ARK2N: variants seen among roughly 807,000 people sequenced by gnomAD.
ARK2N encodes protein ARK2N.
At chr18:46,240,071 T>C in the ARK2N span, 2 of 1,614,208 alleles carry the variant, frequency 1.2e-6, no homozygotes, top group Non-Finnish European at 1.7e-6. Context: ...GTGGTAAATG[T>C]GGACAATTTA....
At chr18:46,240,104 A>G in the ARK2N span, 5 of 1,614,218 alleles carry the variant, frequency 3.1e-6, no homozygotes, top group Non-Finnish European at 4.2e-6. Flanking sequence ...GTAGTTCAAG[A>G]GCACAGTAAT....
At chr18:46,225,467 G>GCT in the ARK2N span, among the ~76,000 whole-genome samples, 2 of 151,340 alleles carry the variant, frequency 1.3e-5, no homozygotes, top group African/African-American at 4.8e-5. Context: ...TGATGTTGCT[G>GCT]TTTTTTTTTG....
the ARK2N span, among the ~76,000 whole-genome samples, chr18:46,195,517 G>A: frequency 1.4e-5 from 2 of 144,190 alleles, no homozygotes; most frequent in African/African-American, 5.2e-5. Flanking sequence ...CCAAAGTGCT[G>A]GAATTACAGC....
chr18:46,188,668 A>G, the ARK2N span, among the ~76,000 whole-genome samples: 1 of 152,176 alleles, frequency 6.6e-6, no homozygotes. Flanking sequence ...TGGTTAGGGA[A>G]TTACTAACAT....
the ARK2N span, among the ~76,000 whole-genome samples, chr18:46,252,225 C>T: frequency 6.6e-6 from 1 of 151,220 alleles, no homozygotes; most frequent in South Asian, 2.1e-4. Flanking sequence ...TTCTCAATAA[C>T]CTTGAAGCAT....
the ARK2N span, among the ~76,000 whole-genome samples, chr18:46,186,629 C>G: frequency 6.6e-6 from 1 of 150,572 alleles, no homozygotes; most frequent in African/African-American, 2.4e-5. Context: ...CTTAGCCTCT[C>G]GAGTAGCTGA....
the ARK2N span, chr18:46,265,306 C>T: frequency 0.61 from 93,844 of 152,600 alleles, 31,412 homozygotes; most frequent in Non-Finnish European, 0.74. Flanking sequence ...TTTTGCATGA[C>T]CTGTTCTTAT....
chr18:46,207,694 A>G, the ARK2N span, among the ~76,000 whole-genome samples: 1 of 152,018 alleles, frequency 6.6e-6, no homozygotes, highest in African/African-American at 2.4e-5. Context: ...GACCTTCTAT[A>G]CTTCTTTCAC....
At chr18:46,253,661 A>G in the ARK2N span, 4 of 1,597,596 alleles carry the variant, frequency 2.5e-6, no homozygotes, top group African/African-American at 4.0e-5. Context: ...GAATAAAATT[A>G]TAGTGCTTGT....
At chr18:46,205,766 G>A in the ARK2N span, among the ~76,000 whole-genome samples, 2 of 152,126 alleles carry the variant, frequency 1.3e-5, no homozygotes, top group Non-Finnish European at 2.9e-5. Context: ...TGCCCAGGCA[G>A]GCATTATTTA....
chr18:46,231,052 ACTCT>A, the ARK2N span, among the ~76,000 whole-genome samples: 1 of 152,100 alleles, frequency 6.6e-6, no homozygotes, highest in South Asian at 2.1e-4. Flanking sequence ...GACAATAATA[ACTCT>A]CTTAATCATA....
At chr18:46,264,696 C>G in the ARK2N span, 1 of 152,414 alleles carries the variant, frequency 6.6e-6, no homozygotes, top group Admixed American at 6.6e-5. Flanking sequence ...CCTGCCTCCA[C>G]CTGCCCAGCC....
At chr18:46,201,454 C>T in the ARK2N span, among the ~76,000 whole-genome samples, 1 of 152,058 alleles carries the variant, frequency 6.6e-6, no homozygotes, top group East Asian at 1.9e-4. Flanking sequence ...CCTATAAACT[C>T]TATTTGGTTA....
chr18:46,244,600 G>GTTTTT, the ARK2N span, among the ~76,000 whole-genome samples: 1 of 44,988 alleles, frequency 2.2e-5, no homozygotes, highest in Non-Finnish European at 4.9e-5. Context: ...TAAGAGTTTA[G>GTTTTT]ATTTTTTTTT....
At chr18:46,225,569 C>T in the ARK2N span, among the ~76,000 whole-genome samples, 1 of 152,336 alleles carries the variant, frequency 6.6e-6, no homozygotes, top group East Asian at 1.9e-4. Context: ...AGCGATTCTC[C>T]TGTCTCAGCC....
chr18:46,239,983 A>G, the ARK2N span: 2 of 1,608,330 alleles, frequency 1.2e-6, no homozygotes, highest in South Asian at 1.1e-5. Context: ...AGATACAAGT[A>G]TACATTTTCT....
At chr18:46,242,496 A>G in the ARK2N span, among the ~76,000 whole-genome samples, 2 of 152,160 alleles carry the variant, frequency 1.3e-5, no homozygotes, top group East Asian at 1.9e-4. Context: ...AGAAACTACA[A>G]CCATTCTTTT....
chr18:46,236,222 A>G, the ARK2N span, among the ~76,000 whole-genome samples: 1 of 152,154 alleles, frequency 6.6e-6, no homozygotes, highest in African/African-American at 2.4e-5. Context: ...TGTGTTGCCC[A>G]GGCTAGTCTC....
chr18:46,217,137 T>C, the ARK2N span: 1 of 152,634 alleles, frequency 6.6e-6, no homozygotes, highest in Non-Finnish European at 1.5e-5. Context: ...TACAAATCTT[T>C]CTATCCTCAC....
Sources: gnomAD v4.1 joint callset for allele counts (sites outside exome capture counted in the v4.1 genomes callset) on GRCh38, gnomAD v4.1.1 for gene constraint, MANE v1.5 for transcripts, NCBI Gene and HGNC (gene_info 2026-07-23, HGNC 2026-07-21) for gene names.